The following AMOTL1 variants were observed in gnomAD, a reference collection of about 807,000 sequenced individuals.
AMOTL1 encodes the protein angiomotin-like protein 1.
AMOTL1 carries 45 observed loss-of-function variants against 102.9 expected under a neutral mutation model. The observed-to-expected ratio is 0.44, with a 90% CI of 0.34 to 0.56. AMOTL1 has a LOEUF of 0.56. AMOTL1 is among the 20% of genes least tolerant of loss of function. AMOTL1 has a pLI of 0.01. For missense variants in AMOTL1, 1,114 were observed against 1,225.6 expected (o/e 0.91, Z 1.36); for synonymous variants, 481 against 484.7 (o/e 0.99, Z 0.10).
intron 3 of AMOTL1, among the ~76,000 whole-genome samples, chr11:94,759,300 T>C (rs1950763932): frequency 6.6e-6 from 1 of 152,222 alleles, no homozygotes; most frequent in Admixed American, 6.5e-5. Context: ...CAATATTTGA[T>C]TTTTTAAAAA....
chr11:94,847,538 A>G (rs1952442234), intron 6 of AMOTL1, among the ~76,000 whole-genome samples: 1 of 152,166 alleles, frequency 6.6e-6, no homozygotes, highest in African/African-American at 2.4e-5. Context: ...GCATCATTGT[A>G]ATAACACTGT....
At chr11:94,734,475 C>T (rs575061586) in intron 2 of AMOTL1, among the ~76,000 whole-genome samples, 12 of 152,340 alleles carry the variant, frequency 7.9e-5, no homozygotes, top group African/African-American at 2.4e-4. Context: ...GGAGCTAATG[C>T]TTCAACCAAT....
At chr11:94,744,210 C>T (rs893564702) in intron 3 of AMOTL1, among the ~76,000 whole-genome samples, 1 of 152,174 alleles carries the variant, frequency 6.6e-6, no homozygotes, top group African/African-American at 2.4e-5. Flanking sequence ...ATCAGGGCTT[C>T]CTACAACCTT....
chr11:94,801,153 G>A (rs945914725), intron 3 of AMOTL1, among the ~76,000 whole-genome samples: 1 of 152,178 alleles, frequency 6.6e-6, no homozygotes, highest in Admixed American at 6.5e-5. Flanking sequence ...GCTGGAGAGA[G>A]CTTCCCAGAG....
chr11:94,870,946 T>A lies in AMOTL1; in HGVS notation c.*151T>A. 3.5e-6 allele frequency: 2 copies of A among 578,036 alleles called. No homozygotes were observed. The highest frequency in any genetic ancestry group is 5.8e-6 in the Non-Finnish European group (2 of 346,378). 35.8% of individuals were successfully genotyped at this position (578,036 alleles called of 1,614,324 possible). A position where few individuals can be genotyped will look rare whatever the true frequency, so the allele number is the denominator to read the frequency against. ...CTCATAAGAACACATTTTATAAATG[T>A]TAAACACAAAAACTACATGACTGAA... On this transcript the variant is annotated 3_prime_UTR_variant, in exon 13 of 13. Coordinates refer to ENST00000433060, the MANE Select transcript of AMOTL1 (RefSeq NM_130847.3).
Position 94,799,501 on chromosome 11 carries a change from A to G in AMOTL1, c.311A>G (p.Gln104Arg), listed in dbSNP as rs750260852. 9.3e-6 allele frequency: 15 copies of G among 1,612,948 alleles called. No individual in the cohort carries two copies. The part of the protein sequence containing the change: ...AAGTVLQRLI[Q>R]EQLRYGTPTE... ...GGAACAGTATTGCAGCGGCTGATCC[A>G]GGAACAACTGCGGTATGGCACCCCA... Residue 104 changes from glutamine to arginine, a missense_variant, in exon 3 of 13, where the codon CAG becomes CGG. Physicochemically the swap from Gln to Arg is conservative, Grantham distance 43. Coordinates refer to ENST00000433060, the MANE Select transcript of AMOTL1 (RefSeq NM_130847.3). This position sits in a 1 kb window ranked among gnomAD's most constrained non-coding sequence, Gnocchi z 4.5.
intron 1 of AMOTL1, among the ~76,000 whole-genome samples, chr11:94,777,161 T>C (rs1417094143): frequency 5.3e-5 from 8 of 152,180 alleles, no homozygotes; most frequent in Non-Finnish European, 4.4e-5. Context: ...GGAAAGTAAT[T>C]TTAAAAGCAT....
chr11:94,820,582 G>T (rs1017192785), intron 3 of AMOTL1, among the ~76,000 whole-genome samples: 1 of 152,226 alleles, frequency 6.6e-6, no homozygotes, highest in Non-Finnish European at 1.5e-5. Context: ...CAATCGCGGG[G>T]TTGGAGTAGT....
chr11:94,744,628 C>A (rs946118343), intron 3 of AMOTL1, among the ~76,000 whole-genome samples: 2 of 151,624 alleles, frequency 1.3e-5, no homozygotes, highest in African/African-American at 2.4e-5. Flanking sequence ...GAAATTCCAA[C>A]TTTTTTTTTC....
chr11:94,708,617 C>G (rs893295917), intron 1 of AMOTL1, among the ~76,000 whole-genome samples: 3 of 152,114 alleles, frequency 2.0e-5, no homozygotes, highest in Admixed American at 1.3e-4. Context: ...TCCTTCTTTC[C>G]TTCACTTTTA....
intron 1 of AMOTL1, among the ~76,000 whole-genome samples, chr11:94,782,121 T>C (rs1311378221): frequency 1.3e-5 from 2 of 152,232 alleles, no homozygotes; most frequent in East Asian, 3.8e-4. Flanking sequence ...GGAATTGTGA[T>C]GTAAATATGA....
At chr11:94,723,708 C>A (rs1950210736) in intron 1 of AMOTL1, among the ~76,000 whole-genome samples, 1 of 152,100 alleles carries the variant, frequency 6.6e-6, no homozygotes, top group Admixed American at 6.6e-5. Context: ...CCATTTTAGA[C>A]AGAGGAGGAG....
intron 3 of AMOTL1, among the ~76,000 whole-genome samples, chr11:94,746,870 A>T (rs969322847): frequency 6.6e-6 from 1 of 152,126 alleles, no homozygotes; most frequent in Non-Finnish European, 1.5e-5. Flanking sequence ...TTCTTTGTAA[A>T]TCTAGCAGCC....
chr11:94,722,560 T>C (rs1950190650), intron 1 of AMOTL1, among the ~76,000 whole-genome samples: 1 of 152,182 alleles, frequency 6.6e-6, no homozygotes, highest in African/African-American at 2.4e-5. Context: ...TGATGTTATA[T>C]ACCTTGCTCA....
At chr11:94,794,805 T>C (rs897647156) in intron 1 of AMOTL1, among the ~76,000 whole-genome samples, 5 of 152,212 alleles carry the variant, frequency 3.3e-5, no homozygotes, top group Non-Finnish European at 7.3e-5. Flanking sequence ...AGGACTGTTA[T>C]GTTGACCTCA....
chr11:94,749,666 G>A (rs191775560), intron 3 of AMOTL1, among the ~76,000 whole-genome samples: 350 of 152,228 alleles, frequency 2.3e-3, no homozygotes, highest in African/African-American at 7.9e-3. Flanking sequence ...CACTCCTTTT[G>A]CACATACCAT....
intron 9 of AMOTL1, among the ~76,000 whole-genome samples, chr11:94,862,692 C>T (rs1216052819): frequency 6.6e-6 from 1 of 152,196 alleles, no homozygotes; most frequent in Admixed American, 6.5e-5. Flanking sequence ...CCTTACTTGG[C>T]AATGTAAACA....
intron 3 of AMOTL1, among the ~76,000 whole-genome samples, chr11:94,816,366 A>G (rs1437500812): frequency 6.6e-6 from 1 of 152,174 alleles, no homozygotes; most frequent in Non-Finnish European, 1.5e-5. Context: ...CTGTGAATCT[A>G]AAAATTTTTA....
chr11:94,834,490 G>A lies in AMOTL1; in HGVS notation c.1648+2949G>A, dbSNP rs541200249. Among the ~76,000 whole-genome samples, 502 of 152,256 alleles carry A rather than the reference G, an allele frequency of 3.3e-3. 3 individuals carry two copies. Among genetic ancestry groups the A allele is most frequent in the Non-Finnish European group, 6.0e-3 (409 of 68,026 alleles). Reference sequence around the variant, plus strand: ...TAGTCCCAGCTACTCGGGGTGGGGCGCTGAGGCAGAAGAATGGCGTGAACC... The same window carrying A: ...TAGTCCCAGCTACTCGGGGTGGGGCACTGAGGCAGAAGAATGGCGTGAACC... On this transcript the variant is annotated intron_variant, in intron 6 of 12. Coordinates refer to ENST00000433060, the MANE Select transcript of AMOTL1 (RefSeq NM_130847.3).
Sources: allele counts gnomAD v4.1 joint callset (sites outside exome capture counted in the v4.1 genomes callset), GRCh38; gene constraint gnomAD v4.1.1; non-coding constraint Gnocchi (gnomAD v3.1); transcripts MANE v1.5; gene names NCBI Gene and HGNC (gene_info 2026-07-23, HGNC 2026-07-21).